The following WIPF1 variants were observed in gnomAD, a reference collection of about 807,000 sequenced individuals.
The protein encoded by WIPF1 is WAS/WASL interacting protein family member 1, also known as WAS/WASL-interacting protein family member 1.
Under a neutral mutation model 35.4 loss-of-function variants are expected in WIPF1, and 13 were observed. That is an observed-to-expected ratio of 0.37 (90% CI 0.24 to 0.58). The LOEUF (loss-of-function observed/expected upper bound fraction) is 0.58, where lower values mean the gene tolerates loss of function less well. WIPF1 is among the 20% of genes least tolerant of loss of function. The pLI is 0.74. For missense variants in WIPF1, 591 were observed against 667.0 expected (o/e 0.89, Z 1.25); for synonymous variants, 267 against 266.3 (o/e 1.00, Z -0.02).
intron 1 of WIPF1, among the ~76,000 whole-genome samples, chr2:174,627,532 CTCTT>C (rs1319244358): frequency 5.5e-5 from 8 of 144,354 alleles, no homozygotes; most frequent in Non-Finnish European, 9.1e-5. Context: ...CCCTCCTTCT[CTCTT>C]TCTTTCTCTT....
chr2:174,617,380 C>T (rs1483964890), intron 1 of WIPF1, among the ~76,000 whole-genome samples: 1 of 152,164 alleles, frequency 6.6e-6, no homozygotes, highest in African/African-American at 2.4e-5. Context: ...AGGAGAAATA[C>T]CAAATCATAG....
intron 1 of WIPF1, among the ~76,000 whole-genome samples, chr2:174,656,987 C>A (rs979140675): frequency 6.6e-6 from 1 of 152,210 alleles, no homozygotes; most frequent in Non-Finnish European, 1.5e-5. Context: ...ACATACACCC[C>A]CTAGAGACAG....
At chr2:174,582,039 A>G (rs546090904) in intron 2 of WIPF1, among the ~76,000 whole-genome samples, 1 of 152,314 alleles carries the variant, frequency 6.6e-6, no homozygotes, top group African/African-American at 2.4e-5. Context: ...TTACAGCTCT[A>G]TGAGTTTTGA....
chr2:174,655,968 C>T (rs1425232932), intron 1 of WIPF1: 1 of 152,208 alleles, frequency 6.6e-6, no homozygotes, highest in Non-Finnish European at 1.5e-5. Context: ...TGTGTGGTCC[C>T]CTCCATTAAA....
intron 1 of WIPF1, among the ~76,000 whole-genome samples, chr2:174,605,877 C>G (rs954088315): frequency 1.3e-5 from 2 of 152,064 alleles, no homozygotes; most frequent in Non-Finnish European, 2.9e-5. Context: ...GGCTCATTCC[C>G]TTCCTTATCC....
At chr2:174,672,459 G>A (rs935512107) in intron 1 of WIPF1, among the ~76,000 whole-genome samples, 2 of 152,148 alleles carry the variant, frequency 1.3e-5, no homozygotes, top group African/African-American at 4.8e-5. Context: ...TGAGATTCAA[G>A]TATAAACGAA....
At chr2:174,575,094 A>T (rs992801057) in intron 4 of WIPF1, 110 bp downstream of exon 4, 81 of 1,166,310 alleles carry the variant, frequency 6.9e-5, no homozygotes, top group Non-Finnish European at 9.5e-5. Context: ...ATTTAAAACA[A>T]TGTACAATAT....
At chr2:174,577,612 T>C (rs1185346003) in intron 3 of WIPF1, among the ~76,000 whole-genome samples, 1 of 152,172 alleles carries the variant, frequency 6.6e-6, no homozygotes, top group African/African-American at 2.4e-5. Context: ...TTTGATATGA[T>C]GGATAGACTT....
At chr2:174,634,046 TTA>T (rs1401130600) in intron 1 of WIPF1, among the ~76,000 whole-genome samples, 2 of 152,212 alleles carry the variant, frequency 1.3e-5, no homozygotes, top group Non-Finnish European at 2.9e-5. Flanking sequence ...AAGATGAGTT[TTA>T]TGAGATGAAA....
chr2:174,582,058 TAC>T (rs1685259852), intron 2 of WIPF1, among the ~76,000 whole-genome samples: 1 of 152,084 alleles, frequency 6.6e-6, no homozygotes, highest in Admixed American at 6.5e-5. Context: ...GACAAACATA[TAC>T]AGTTGTGAAA....
rs77938847 is a variant in WIPF1 at position 174,607,001 on chromosome 2, T to A, written c.-38-21390A>T. Among the ~76,000 whole-genome samples, 67 of 152,282 alleles carry A rather than the reference T, an allele frequency of 4.4e-4. No individual in the cohort carries two copies. The East Asian group carries it at 0.013, about 29-fold the overall frequency. On this transcript the variant is annotated intron_variant, in intron 1 of 8. Coordinates refer to the WIPF1 transcript ENST00000272746. ...TACCATGGCTGAAGGCAAGAGAGCA[T>A]GCACAATGAGAGGCAGGGAAGGAAG...
rs1264636905 is a variant in WIPF1, at chr2:174,562,480, G to C, written c.*67C>G. The stretch of plus-strand genomic sequence containing the variant: ...GGCACAAGGGAAGAAGCAGGGAGGA[G>C]GGTATGCAGTTCTTAGATAGCAACA... On this transcript the variant is annotated 3_prime_UTR_variant, in exon 8 of 8. Coordinates refer to ENST00000679041, the MANE Select transcript of WIPF1 (RefSeq NM_001375834.1). The C allele has an allele frequency of 6.2e-7, 1 of 1,611,128 alleles. No homozygotes were observed. Among genetic ancestry groups the C allele is most frequent in the African/African-American group, 1.3e-5 (1 of 74,914 alleles).
chr2:174,613,392 C>T lies in WIPF1; in HGVS notation c.-38-27781G>A, dbSNP rs549519837. On this transcript the variant is annotated intron_variant, in intron 1 of 8. Transcript: ENST00000272746. ...TGATGATAAAAACCTCTTTTGAGCA[C>T]AGGTCATTCAAAGCAACTCTAGCAG... 4.6e-5 allele frequency among the ~76,000 whole-genome samples: 7 copies of T among 152,300 alleles called. No homozygotes were observed. In the South Asian group the frequency reaches 1.4e-3, roughly 32 times the overall value.
intron 1 of WIPF1, among the ~76,000 whole-genome samples, chr2:174,680,987 A>G (rs959858412): frequency 2.6e-5 from 4 of 152,240 alleles, no homozygotes; most frequent in African/African-American, 9.7e-5. Context: ...GGTTGAACAC[A>G]TTACAGACAA....
intron 1 of WIPF1, among the ~76,000 whole-genome samples, chr2:174,682,381 C>A (rs1050951766): frequency 6.6e-6 from 1 of 152,200 alleles, no homozygotes; most frequent in Admixed American, 6.5e-5. Flanking sequence ...GGTGTAGGTG[C>A]AGCCCCAGGG....
chr2:174,663,616 G>T (rs965420151), intron 1 of WIPF1, among the ~76,000 whole-genome samples: 1 of 152,144 alleles, frequency 6.6e-6, no homozygotes, highest in Non-Finnish European at 1.5e-5. Context: ...CCACTGGCAC[G>T]CCCCTGCCAT....
At chr2:174,591,339 G>C (rs1685599881) in intron 1 of WIPF1, among the ~76,000 whole-genome samples, 2 of 152,130 alleles carry the variant, frequency 1.3e-5, no homozygotes, top group Non-Finnish European at 2.9e-5. Context: ...ACATACGTTT[G>C]TCTATTATCC....
At chr2:174,591,027 G>T (rs1372694365) in intron 1 of WIPF1, among the ~76,000 whole-genome samples, 3 of 152,184 alleles carry the variant, frequency 2.0e-5, no homozygotes, top group African/African-American at 7.2e-5. Flanking sequence ...TCTTTAAAGA[G>T]GTGATTAAGC....
In WIPF1 at chr2:174,571,335, G is replaced by C. The variant is rs1684825323; in HGVS notation, c.1129+341C>G. The C allele has an allele frequency of 1.9e-6, 1 of 517,952 alleles. No individual in the cohort carries two copies. The allele number at this position is 517,952 out of a possible 1,614,324, so 32.1% of individuals were successfully genotyped here. Reference sequence around the variant, plus strand: ...GGGACTTATTTTCCCAATTAAGACCGCCGAAATTCTCTCTAGGGAGGCAGG... The same window carrying C: ...GGGACTTATTTTCCCAATTAAGACCCCCGAAATTCTCTCTAGGGAGGCAGG... On this transcript the variant is annotated intron_variant, in intron 5 of 7. Transcript: ENST00000679041. The surrounding 1 kb of genome is among the most constrained non-coding windows in gnomAD (Gnocchi z 4.6).
Sources: gnomAD v4.1 joint callset for allele counts (sites outside exome capture counted in the v4.1 genomes callset) on GRCh38, gnomAD v4.1.1 for gene constraint, Gnocchi (gnomAD v3.1) non-coding constraint, MANE v1.5 for transcripts, NCBI Gene and HGNC (gene_info 2026-07-23, HGNC 2026-07-21) for gene names.